Variants in NACC2 observed in about 807,000 individuals in gnomAD.
The protein encoded by NACC2 is NACC family member 2.
Under a neutral mutation model 25.1 loss-of-function variants are expected in NACC2, and 8 were observed. The ratio of observed to expected loss-of-function variants is 0.32; its 90% confidence interval spans 0.19 to 0.57. The LOEUF (loss-of-function observed/expected upper bound fraction) is 0.57. NACC2 is among the 20% of genes least tolerant of loss of function. The pLI is 0.89. For synonymous variants in NACC2, 435 were observed against 294.7 expected, an observed-to-expected ratio of 1.48 and a Z score of -4.88; for missense variants, 644 against 650.2, an observed-to-expected ratio of 0.99 and a Z score of 0.10.
At chr9:136,052,344 C>A (rs1231767292) in intron 1 of NACC2, among the ~76,000 whole-genome samples, 1 of 152,164 alleles carries the variant, frequency 6.6e-6, no homozygotes, top group African/African-American at 2.4e-5. Flanking sequence ...TCCAGGACAG[C>A]CCCAGTGTCA....
intron 2 of NACC2, among the ~76,000 whole-genome samples, chr9:136,021,887 A>G (rs915187125): frequency 6.6e-6 from 1 of 152,222 alleles, no homozygotes; most frequent in Non-Finnish European, 1.5e-5. Context: ...TTGTCCAGGA[A>G]ACTAAACTTG....
At chr9:136,082,251 G>C (rs1048728512) in intron 1 of NACC2, among the ~76,000 whole-genome samples, 1 of 152,186 alleles carries the variant, frequency 6.6e-6, no homozygotes, top group African/African-American at 2.4e-5. Flanking sequence ...GCCACGCCAC[G>C]GCCTGATGGA....
rs1464610804 is a variant in NACC2, at chr9:136,084,992, G to C, written c.-60+10197C>G. 2.0e-5 allele frequency among the ~76,000 whole-genome samples: 3 copies of C among 152,220 alleles called. No homozygotes were observed. Among genetic ancestry groups the C allele is most frequent in the African/African-American group, 7.2e-5 (3 of 41,454 alleles). ...AGTTTGGGCAGATGAAACAGTTCTA[G>C]AGATGGTGCTGAGGGCAGCGCAAAA... On this transcript the variant is annotated intron_variant, in intron 1 of 5. Coordinates refer to ENST00000277554, the MANE Select transcript of NACC2 (RefSeq NM_144653.5). This position sits in a 1 kb window ranked among gnomAD's most constrained non-coding sequence, Gnocchi z 5.1.
chr9:136,063,883 C>CAAA (rs11315582), intron 1 of NACC2, among the ~76,000 whole-genome samples: 26 of 127,612 alleles, frequency 2.0e-4, no homozygotes, highest in African/African-American at 6.8e-4. Flanking sequence ...GACTCCATCT[C>CAAA]AAAAAAAAAA....
chr9:136,092,688 G>A (rs529049094), intron 1 of NACC2, among the ~76,000 whole-genome samples: 11 of 152,342 alleles, frequency 7.2e-5, no homozygotes, highest in African/African-American at 1.9e-4. Context: ...GGACTGGGCC[G>A]GAGGAGCAGC....
intron 2 of NACC2, among the ~76,000 whole-genome samples, chr9:136,047,268 G>A (rs1328497744): frequency 1.3e-5 from 2 of 152,028 alleles, no homozygotes; most frequent in Non-Finnish European, 2.9e-5. Flanking sequence ...TCAGGCGACG[G>A]CCCCTCCCTC....
intron 1 of NACC2, among the ~76,000 whole-genome samples, chr9:136,062,850 G>A (rs1039292738): frequency 1.1e-4 from 16 of 152,218 alleles, no homozygotes; most frequent in Admixed American, 6.5e-4. Context: ...CTGGGAGGCC[G>A]AGGCCGCAGT....
chr9:136,094,431 G>A (rs1293042584), intron 1 of NACC2, among the ~76,000 whole-genome samples: 8 of 152,218 alleles, frequency 5.3e-5, no homozygotes, highest in African/African-American at 9.6e-5. Flanking sequence ...AGCAAGAGAA[G>A]CAGGAAACTC....
Position 136,049,641 on chromosome 9 carries a change from T to C in NACC2, c.881A>G (p.Tyr294Cys). The C allele has an allele frequency of 3.9e-6, 3 of 776,624 alleles. No individual in the cohort carries two copies. The highest frequency in any genetic ancestry group is 7.2e-6 in the Non-Finnish European group (3 of 416,308). 48.1% of individuals were successfully genotyped at this position (776,624 alleles called of 1,614,324 possible). The change falls in exon 2 of 6, where the codon TAT becomes TGT. Residue 294 changes from tyrosine to cysteine, a missense_variant. Tyr to Cys is a radical substitution (Grantham distance 194). Coordinates refer to ENST00000277554, the MANE Select transcript of NACC2 (RefSeq NM_144653.5). ...GQMYIKASGSYAVQEKPEPVP... is the reference protein window; with the variant it reads ...GQMYIKASGSCAVQEKPEPVP... ...GCTCCACCCCGCCGCGTTACCTGCA[T>C]AGCTGCCGGAGGCCTTGATGTACAT...
At chr9:136,089,532 T>TG (rs1329903208) in intron 1 of NACC2, among the ~76,000 whole-genome samples, 4 of 151,908 alleles carry the variant, frequency 2.6e-5, no homozygotes, top group Non-Finnish European at 5.9e-5. Flanking sequence ...CCCCCAGCGC[T>TG]GGGGGCCTCT....
At chr9:136,082,563 C>T (rs551301060) in intron 1 of NACC2, among the ~76,000 whole-genome samples, 3 of 152,300 alleles carry the variant, frequency 2.0e-5, no homozygotes, top group East Asian at 1.9e-4. Flanking sequence ...CCTCGGAGCC[C>T]GACAAACAAA....
At chr9:136,088,970 G>T (rs189558091) in intron 1 of NACC2, among the ~76,000 whole-genome samples, 4 of 152,236 alleles carry the variant, frequency 2.6e-5, no homozygotes, top group South Asian at 2.1e-4. Context: ...TCTCGGCATC[G>T]CGTGGAGCGG....
chr9:136,081,973 G>A (rs1197336234), intron 1 of NACC2, among the ~76,000 whole-genome samples: 1 of 152,218 alleles, frequency 6.6e-6, no homozygotes, highest in Non-Finnish European at 1.5e-5. Flanking sequence ...TCAGGGTGGA[G>A]CTGACGCGAG....
At chr9:136,094,117 G>A (rs1201735585) in intron 1 of NACC2, among the ~76,000 whole-genome samples, 1 of 152,188 alleles carries the variant, frequency 6.6e-6, no homozygotes, top group Non-Finnish European at 1.5e-5. Context: ...GGGCACCCCC[G>A]GGTCAGCACC....
intron 1 of NACC2, among the ~76,000 whole-genome samples, chr9:136,074,470 A>AT (rs1333195532): frequency 1.4e-4 from 5 of 37,008 alleles, no homozygotes; most frequent in Non-Finnish European, 1.6e-4. Context: ...AAAAGAAAAA[A>AT]GAAGAAAAAG....
In NACC2 at chr9:136,027,512, G is replaced by A. The variant is rs1167205467; in HGVS notation, c.887-11083C>T. Among the ~76,000 whole-genome samples the A allele has an allele frequency of 5.9e-5, 9 of 152,290 alleles. No individual in the cohort carries two copies. In the East Asian group the frequency reaches 1.7e-3, roughly 29 times the overall value. ...AAACTCCAGAGTAACAAACTAGGCT[G>A]AGTGCATTCTATGTCCACTGGAAAT... On this transcript the variant is annotated intron_variant, in intron 2 of 5. Coordinates refer to ENST00000277554, the MANE Select transcript of NACC2 (RefSeq NM_144653.5).
intron 2 of NACC2, among the ~76,000 whole-genome samples, chr9:136,047,494 G>C (rs1238006144): frequency 6.6e-6 from 1 of 152,064 alleles, no homozygotes; most frequent in Non-Finnish European, 1.5e-5. Flanking sequence ...TGGCCTCCCA[G>C]CCGCCCACTT....
chr9:136,094,106 T>C (rs1035936020), intron 1 of NACC2, among the ~76,000 whole-genome samples: 3 of 152,116 alleles, frequency 2.0e-5, no homozygotes, highest in Admixed American at 1.3e-4. Context: ...CGGGCTGCCT[T>C]GGGCACCCCC....
intron 2 of NACC2, among the ~76,000 whole-genome samples, chr9:136,024,989 C>A (rs1405712843): frequency 1.3e-5 from 2 of 152,182 alleles, no homozygotes; most frequent in African/African-American, 4.8e-5. Context: ...TACTAAGTAG[C>A]CATGCATGCA....
Sources: gnomAD v4.1 joint callset for allele counts (sites outside exome capture counted in the v4.1 genomes callset) on GRCh38, gnomAD v4.1.1 for gene constraint, Gnocchi (gnomAD v3.1) non-coding constraint, MANE v1.5 for transcripts, NCBI Gene and HGNC (gene_info 2026-07-23, HGNC 2026-07-21) for gene names.